The following FAM133A variants were observed in gnomAD, a reference collection of about 807,000 sequenced individuals.
FAM133A encodes protein FAM133A.
For synonymous variants in FAM133A, 65 were observed against 58.6 expected (o/e 1.11, Z -0.50); for missense variants, 159 against 164.4 (o/e 0.97, Z 0.18).
intron 2 of FAM133A, among the ~76,000 whole-genome samples, chrX:93,676,484 T>A (rs1924708968): frequency 9.0e-6 from 1 of 111,406 alleles, no homozygotes; most frequent in Non-Finnish European, 1.9e-5. Context: ...AAGAAATTAA[T>A]CAATGGTGAA....
chrX:93,698,055 A>G (rs574215806), intron 2 of FAM133A, among the ~76,000 whole-genome samples: 2 of 111,309 alleles, frequency 1.8e-5, no homozygotes, highest in Admixed American at 9.6e-5. Context: ...TAGATTGAGG[A>G]TAGAGTGGTT....
At chrX:93,697,191 A>AAT (rs1556031205) in intron 2 of FAM133A, among the ~76,000 whole-genome samples, 34 of 40,802 alleles carry the variant, frequency 8.3e-4, no homozygotes, top group Admixed American at 3.3e-3. Context: ...ATATATATAT[A>AAT]ATATATCATA....
At chrX:93,680,030 G>T (rs774115117) in intron 2 of FAM133A, among the ~76,000 whole-genome samples, 1 of 98,655 alleles carries the variant, frequency 1.0e-5, no homozygotes, top group African/African-American at 3.9e-5. Context: ...GCCCACATTG[G>T]TCTCCCAAAT....
At chrX:93,694,111 A>G (rs1207130128) in intron 2 of FAM133A, among the ~76,000 whole-genome samples, 3 of 111,284 alleles carry the variant, frequency 2.7e-5, no homozygotes, top group African/African-American at 9.8e-5. Flanking sequence ...TAAGATCAAG[A>G]GAAGCAGAGG....
chrX:93,690,483 C>A (rs76330619), intron 2 of FAM133A, among the ~76,000 whole-genome samples: 2 of 111,283 alleles, frequency 1.8e-5, no homozygotes, highest in Non-Finnish European at 1.9e-5. Flanking sequence ...ACAGTATATT[C>A]CTCATTGTGC....
At chrX:93,687,049 T>TC (rs1925576022) in intron 2 of FAM133A, among the ~76,000 whole-genome samples, 2 of 112,374 alleles carry the variant, frequency 1.8e-5, no homozygotes, top group African/African-American at 3.2e-5. Flanking sequence ...GATGTATGAC[T>TC]GCACATGCAT....
In FAM133A at chrX:93,710,927, T is replaced by A. The variant is rs1240561805; in HGVS notation, c.*761T>A. 8.1e-6 allele frequency: 1 copy of A among 123,270 alleles called. No individual in the cohort carries two copies. The highest frequency in any genetic ancestry group is 1.9e-5 in the Non-Finnish European group (1 of 53,253). The allele number at this position is 123,270 out of a possible 1,213,427, so 10.2% of individuals were successfully genotyped here. ...TATTACATGATTTGAAATAACTTTATACCCATTTTGTATGGGAACCATTCT... is the reference window on the plus strand; with the variant it reads ...TATTACATGATTTGAAATAACTTTAAACCCATTTTGTATGGGAACCATTCT... On this transcript the variant is annotated 3_prime_UTR_variant, in exon 4 of 4. Coordinates refer to ENST00000683942, the MANE Select transcript of FAM133A (RefSeq NM_001171109.2).
intron 3 of FAM133A, among the ~76,000 whole-genome samples, chrX:93,706,233 G>T (rs1304978392): frequency 8.9e-6 from 1 of 111,961 alleles, no homozygotes; most frequent in Non-Finnish European, 1.9e-5. Flanking sequence ...AAACATTACA[G>T]AGTCATAAGG....
At chrX:93,694,213 T>A (rs1179986999) in intron 2 of FAM133A, among the ~76,000 whole-genome samples, 1 of 111,517 alleles carries the variant, frequency 9.0e-6, no homozygotes, top group African/African-American at 3.3e-5. Flanking sequence ...TATTTTCATA[T>A]GGAATATCTT....
chrX:93,679,520 G>T (rs1178468580), intron 2 of FAM133A, among the ~76,000 whole-genome samples: 2 of 110,567 alleles, frequency 1.8e-5, no homozygotes, highest in African/African-American at 6.6e-5. Context: ...AAGGAAAATT[G>T]TTTCCCAATT....
intron 2 of FAM133A, among the ~76,000 whole-genome samples, chrX:93,697,200 T>C (rs1365554736): frequency 9.6e-6 from 1 of 104,157 alleles, no homozygotes; most frequent in African/African-American, 3.5e-5. Context: ...TAATATATCA[T>C]AGGCAGGTTA....
intron 3 of FAM133A, among the ~76,000 whole-genome samples, chrX:93,704,891 AT>A (rs1022250337): frequency 9.0e-6 from 1 of 110,950 alleles, no homozygotes; most frequent in Non-Finnish European, 1.9e-5. Context: ...CATTCAAACA[AT>A]TTTGGCTCTT....
chrX:93,699,164 G>T (rs1388239705), intron 3 of FAM133A, among the ~76,000 whole-genome samples: 7 of 111,153 alleles, frequency 6.3e-5, no homozygotes, highest in Non-Finnish European at 3.8e-5. Flanking sequence ...GTTAATCAGT[G>T]GCTAAATTAT....
At chrX:93,677,111 A>G (rs750259053) in intron 2 of FAM133A, among the ~76,000 whole-genome samples, 1 of 110,938 alleles carries the variant, frequency 9.0e-6, no homozygotes, top group Non-Finnish European at 1.9e-5. Context: ...GATATAAATT[A>G]TTTGCATAGT....
chrX:93,691,764 G>A (rs749955765), intron 2 of FAM133A, among the ~76,000 whole-genome samples: 20 of 111,657 alleles, frequency 1.8e-4, no homozygotes, highest in Admixed American at 3.8e-4. Context: ...CATGTTGACA[G>A]TGTTGATCCT....
At position 93,709,794 on chromosome X, in the gene FAM133A, G is replaced by C. The variant is rs763591416; in HGVS notation, c.375G>C (p.Lys125Asn). Residue 125 changes from lysine (K) to asparagine (N), a missense_variant, in exon 4 of 4, where the codon AAG (lysine) becomes AAC (asparagine). Lys to Asn is a moderately conservative substitution (Grantham distance 94). Coordinates refer to ENST00000683942, the MANE Select transcript of FAM133A (RefSeq NM_001171109.2). ...SSSSDSEDEE[K>N]KQGKRRKKKK... ...CTTCAGATTCTGAGGATGAGGAAAA[G>C]AAACAAGGAAAAAGGAGAAAGAAAA... 5.9e-6 allele frequency: 7 copies of C among 1,191,005 alleles called. No individual in the cohort carries two copies. The highest frequency in any genetic ancestry group is 1.1e-6 in the Non-Finnish European group (1 of 885,431).
chrX:93,688,568 T>C (rs768216990), intron 2 of FAM133A, among the ~76,000 whole-genome samples: 2 of 111,851 alleles, frequency 1.8e-5, no homozygotes, highest in Non-Finnish European at 3.8e-5. Context: ...CAGTGTTATG[T>C]ATGTAGTAGA....
chrX:93,680,903 A>C (rs1382354559), intron 2 of FAM133A, among the ~76,000 whole-genome samples: 1 of 111,503 alleles, frequency 9.0e-6, no homozygotes, highest in Non-Finnish European at 1.9e-5. Context: ...CTCTTTACTC[A>C]TTTACTTCCT....
At chrX:93,702,863 A>AAAAC (rs1926807266) in intron 3 of FAM133A, among the ~76,000 whole-genome samples, 1 of 88,811 alleles carries the variant, frequency 1.1e-5, no homozygotes, top group Non-Finnish European at 2.2e-5. Context: ...AAAAAAAAAA[A>AAAAC]AAAAAAACAA....
Sources: gnomAD v4.1 joint callset for allele counts (sites outside exome capture counted in the v4.1 genomes callset) on GRCh38, gnomAD v4.1.1 for gene constraint, MANE v1.5 for transcripts, NCBI Gene and HGNC (gene_info 2026-07-23, HGNC 2026-07-21) for gene names.